The following PKDREJ variants were observed in gnomAD, a reference collection of about 807,000 sequenced individuals.
The protein encoded by PKDREJ is PKD and REJ homolog.
For missense variants in PKDREJ, 2,507 were observed against 2,807.2 expected, an observed-to-expected ratio of 0.89 and a Z score of 2.42; for synonymous variants, 1,031 against 1,095.5, an observed-to-expected ratio of 0.94 and a Z score of 1.16.
Position 46,256,967 on chromosome 22 carries a change from C to T in PKDREJ, c.6356G>A (p.Ser2119Asn), listed in dbSNP as rs1569269415. Residue 2119 changes from serine to asparagine, a missense_variant, in exon 1 of 1, where the codon AGT becomes AAT. Transcript: ENST00000253255. This position sits in a 1 kb window ranked among gnomAD's most constrained non-coding sequence, Gnocchi z 5.3. ...LVFGQHEWNYSNLIHSTQTVF... is the reference protein window; with the variant it reads ...LVFGQHEWNYNNLIHSTQTVF... ...TGTCTGAGTGGAATGAATCAAGTTA[C>T]TGTAGTTCCATTCATGCTGACCAAA... is the stretch of plus-strand genomic sequence containing the variant. 6.2e-7 allele frequency: 1 copy of T among 1,613,980 alleles called. No homozygotes were observed. Among genetic ancestry groups the T allele is most frequent in the African/African-American group, 1.3e-5 (1 of 75,068 alleles).
At position 46,263,244 on chromosome 22, in the gene PKDREJ, G is replaced by C. The variant is rs918482439; in HGVS notation, c.79C>G (p.Pro27Ala). 333 of 1,466,746 alleles carry C rather than the reference G, an allele frequency of 2.3e-4. No individual in the cohort carries two copies. The African/African-American group carries it at 4.4e-3, about 19-fold the overall frequency. The allele number at this position is 1,466,746 out of a possible 1,614,324, so 90.9% of individuals were successfully genotyped here. A position where few individuals can be genotyped will look rare whatever the true frequency, so the allele number is the denominator to read the frequency against. The change falls in exon 1 of 1, where the codon CCT (proline) becomes GCT (alanine). Residue 27 changes from proline to alanine, a missense_variant. By Grantham distance (27) the Pro-to-Ala change is conservative. Coordinates refer to ENST00000253255, the MANE Select transcript of PKDREJ (RefSeq NM_006071.2). This position sits in a 1 kb window ranked among gnomAD's most constrained non-coding sequence, Gnocchi z 9.4. ...SVGRLPLPPVPRGAQAAVSGA... is the reference protein window; with the variant it reads ...SVGRLPLPPVARGAQAAVSGA... ...GAGACGGCGGCTTGTGCCCCGCGAG[G>C]AACCGGCGGCAGCGGGAGGCGGCCG...
At position 46,258,109 on chromosome 22, in the gene PKDREJ, G is replaced by A; in HGVS notation, c.5214C>T (p.Tyr1738=). The A allele has an allele frequency of 6.2e-7, 1 of 1,613,938 alleles. No homozygotes were observed. Among genetic ancestry groups the A allele is most frequent in the South Asian group, 1.1e-5 (1 of 91,078 alleles). Residue 1738 remains tyrosine (Y), a synonymous_variant, in exon 1 of 1, where the codon TAC becomes TAT. Coordinates refer to ENST00000253255, the MANE Select transcript of PKDREJ (RefSeq NM_006071.2). This position sits in a 1 kb window ranked among gnomAD's most constrained non-coding sequence, Gnocchi z 6.1. ...IVLLRHTDCF[Y]YNQFIRDRFS... ...ACCGATCACGAATAAACTGGTTATA[G>A]TAAAAGCAGTCAGTGTGACGTAGTA...
At position 46,262,369 on chromosome 22, in the gene PKDREJ, C is replaced by T. The variant is rs772916630; in HGVS notation, c.954G>A (p.Met318Ile). Reference sequence around the variant, plus strand: ...CGGCGTCCGAGTCTTTCACCTCGGGCATCTTGGGGTTCCCTGTGGTGATGG... The same window carrying T: ...CGGCGTCCGAGTCTTTCACCTCGGGTATCTTGGGGTTCCCTGTGGTGATGG... ...TVSITTGNPK[M>I]PEVKDSDAVY... is the part of the protein sequence containing the mutation. Residue 318 changes from methionine (M) to isoleucine (I), a missense_variant, in exon 1 of 1, where the codon ATG becomes ATA. Physicochemically the swap from Met to Ile is conservative, Grantham distance 10 (BLOSUM62 1). Transcript: ENST00000253255. This position sits in a 1 kb window ranked among gnomAD's most constrained non-coding sequence, Gnocchi z 8.1. 4.0e-5 allele frequency: 64 copies of T among 1,614,060 alleles called. No individual in the cohort carries two copies. The African/African-American group carries it at 6.5e-4, about 16-fold the overall frequency.
chr22:46,259,409 C>A lies in PKDREJ; in HGVS notation c.3914G>T (p.Arg1305Leu). Reference sequence around the variant, plus strand: ...TCTACTTAAATACCAGCTAGGCGATCGACCCTCGTTGTTGTGCCACACACG... The same window carrying A: ...TCTACTTAAATACCAGCTAGGCGATAGACCCTCGTTGTTGTGCCACACACG... ...SIRVWHNNEG[R>L]SPSWYLSRIK... Residue 1305 changes from arginine to leucine, a missense_variant, in exon 1 of 1, where the codon CGA becomes CTA. Arg to Leu is a moderately radical substitution (Grantham distance 102). Coordinates refer to ENST00000253255, the MANE Select transcript of PKDREJ (RefSeq NM_006071.2). The surrounding 1 kb of genome is among the most constrained non-coding windows in gnomAD (Gnocchi z 6.8). 1 of 1,614,190 alleles carries A rather than the reference C, an allele frequency of 6.2e-7. No individual in the cohort carries two copies. Among genetic ancestry groups the A allele is most frequent in the South Asian group, 1.1e-5 (1 of 91,076 alleles).
At position 46,263,043 on chromosome 22, in the gene PKDREJ, G is replaced by A. The variant is rs764375742; in HGVS notation, c.280C>T (p.Arg94Cys). 1.8e-5 allele frequency: 24 copies of A among 1,327,806 alleles called. No individual in the cohort carries two copies. The highest frequency in any genetic ancestry group is 3.1e-5 in the African/African-American group (2 of 63,630). The allele number at this position is 1,327,806 out of a possible 1,614,324, so 82.3% of individuals were successfully genotyped here. ...TGRRWYCLDLRVLLSAQRLPW... is the reference protein window; with the variant it reads ...TGRRWYCLDLCVLLSAQRLPW... ...AGGCGTTGGGCGCTGAGCAGGACGC[G>A]CAAGTCGAGGCAGTACCAGCGCCGC... The change falls in exon 1 of 1, where the codon CGC becomes TGC. Residue 94 changes from arginine (R) to cysteine (C), a missense_variant. Coordinates refer to ENST00000253255, the MANE Select transcript of PKDREJ (RefSeq NM_006071.2). The surrounding 1 kb of genome is among the most constrained non-coding windows in gnomAD (Gnocchi z 9.4).
chr22:46,256,909 G>T lies in PKDREJ; in HGVS notation c.6414C>A (p.Asn2138Lys). The T allele has an allele frequency of 6.2e-7, 1 of 1,613,936 alleles. No homozygotes were observed. The highest frequency in any genetic ancestry group is 8.5e-7 in the Non-Finnish European group (1 of 1,179,924). The change falls in exon 1 of 1, where the codon AAC becomes AAA. Residue 2138 changes from asparagine to lysine, a missense_variant. Coordinates refer to ENST00000253255, the MANE Select transcript of PKDREJ (RefSeq NM_006071.2). This position sits in a 1 kb window ranked among gnomAD's most constrained non-coding sequence, Gnocchi z 5.3. ...GAATCCTGTTATTGGAAAATTCAGTGTTCTGGAAAGCTGAGACACAATAGG... is the reference window on the plus strand; with the variant it reads ...GAATCCTGTTATTGGAAAATTCAGTTTTCTGGAAAGCTGAGACACAATAGG... ...VFSYCVSAFQ[N>K]TEFSNNRILG...
At position 46,256,458 on chromosome 22, in the gene PKDREJ, A is replaced by G; in HGVS notation, c.*103T>C. The G allele has an allele frequency of 6.6e-7, 1 of 1,507,516 alleles. No individual in the cohort carries two copies. Among genetic ancestry groups the G allele is most frequent in the Non-Finnish European group, 8.8e-7 (1 of 1,136,664 alleles). The allele number at this position is 1,507,516 out of a possible 1,614,324, so 93.4% of individuals were successfully genotyped here. A position where few individuals can be genotyped will look rare whatever the true frequency, so the allele number is the denominator to read the frequency against. On this transcript the variant is annotated 3_prime_UTR_variant, in exon 1 of 1. Coordinates refer to ENST00000253255, the MANE Select transcript of PKDREJ (RefSeq NM_006071.2). The surrounding 1 kb of genome is among the most constrained non-coding windows in gnomAD (Gnocchi z 5.3). ...GGGGATGTGCCTTGTGAAGGACATG[A>G]GTAGAAAGCATGACTAGGCCACTGA...
chr22:46,258,298 G>A lies in PKDREJ; in HGVS notation c.5025C>T (p.Asp1675=), dbSNP rs766835142. 4 of 1,614,044 alleles carry A rather than the reference G, an allele frequency of 2.5e-6. No individual in the cohort carries two copies. Among genetic ancestry groups the A allele is most frequent in the Non-Finnish European group, 2.5e-6 (3 of 1,180,040 alleles). The change falls in exon 1 of 1, where the codon GAC becomes GAT. Residue 1675 remains aspartate, a synonymous_variant. Transcript: ENST00000253255. This position sits in a 1 kb window ranked among gnomAD's most constrained non-coding sequence, Gnocchi z 6.1. ...TCGTGCCTCGGATTCGGACGATCTG[G>A]TCATGTATCCTCTGCATTTCTTCTG... The part of the protein sequence containing the change: ...MHPEEMQRIH[D]QIVRIRGTRM...
Position 46,258,120 on chromosome 22 carries a change from C to A in PKDREJ, c.5203G>T (p.Asp1735Tyr). The A allele has an allele frequency of 6.2e-7, 1 of 1,613,886 alleles. No individual in the cohort carries two copies. Among genetic ancestry groups the A allele is most frequent in the South Asian group, 1.1e-5 (1 of 91,056 alleles). ...LILIVLLRHT[D>Y]CFYYNQFIRD... ...ATAAACTGGTTATAGTAAAAGCAGT[C>A]AGTGTGACGTAGTAAGACGATAAGG... The change falls in exon 1 of 1, where the codon GAC (aspartate) becomes TAC (tyrosine). Residue 1735 changes from aspartate to tyrosine, a missense_variant. Transcript: ENST00000253255. The surrounding 1 kb of genome is among the most constrained non-coding windows in gnomAD (Gnocchi z 6.1).
At position 46,260,287 on chromosome 22, in the gene PKDREJ, C is replaced by T; in HGVS notation, c.3036G>A (p.Leu1012=). ...VTEVMVLFTV[L]VYTGSQITPT... is the part of the protein sequence containing the mutation. ...GAGTGATCTGACTGCCTGTGTACAC[C>T]AACACTGTGAACAGCACCATCACTT... Residue 1012 remains leucine, a synonymous_variant, in exon 1 of 1, where the codon TTG becomes TTA. Transcript: ENST00000253255. This position sits in a 1 kb window ranked among gnomAD's most constrained non-coding sequence, Gnocchi z 4.5. The T allele has an allele frequency of 1.2e-6, 2 of 1,614,110 alleles. No individual in the cohort carries two copies. The highest frequency in any genetic ancestry group is 1.7e-5 in the Admixed American group (1 of 60,016).
At position 46,258,400 on chromosome 22, in the gene PKDREJ, G is replaced by T; in HGVS notation, c.4923C>A (p.Pro1641=). ...ILLSGFRTNK[P]KYCKNLSWST... Reference sequence around the variant, plus strand: ...ACCATGAAAGGTTTTTGCAATACTTGGGTTTATTCGTTCTGAAGCCTGACA... The same window carrying T: ...ACCATGAAAGGTTTTTGCAATACTTTGGTTTATTCGTTCTGAAGCCTGACA... The change falls in exon 1 of 1, where the codon CCC becomes CCA. Residue 1641 remains proline, a synonymous_variant. Transcript: ENST00000253255. The surrounding 1 kb of genome is among the most constrained non-coding windows in gnomAD (Gnocchi z 6.1). 6.2e-7 allele frequency: 1 copy of T among 1,614,074 alleles called. No individual in the cohort carries two copies. The highest frequency in any genetic ancestry group is 8.5e-7 in the Non-Finnish European group (1 of 1,180,024).
In PKDREJ at chr22:46,260,981, A is replaced by G. The variant is rs1484903536; in HGVS notation, c.2342T>C (p.Val781Ala). ...TTGTAGGGCTTGATTTGCTTGCCAT[A>G]CCCTCATGGTGGCACGTTTCTGAGC... ...WDAQKRATMR[V>A]WQANQALQEY... The change falls in exon 1 of 1, where the codon GTA becomes GCA. Residue 781 changes from valine (V) to alanine (A), a missense_variant. By Grantham distance (64) the Val-to-Ala change is moderately conservative. Transcript: ENST00000253255. This position sits in a 1 kb window ranked among gnomAD's most constrained non-coding sequence, Gnocchi z 4.5. 1.9e-6 allele frequency: 3 copies of G among 1,614,006 alleles called. No homozygotes were observed. In the East Asian group the frequency reaches 6.7e-5, roughly 36 times the overall value.
At position 46,258,139 on chromosome 22, in the gene PKDREJ, G is replaced by A. The variant is rs780613353; in HGVS notation, c.5184C>T (p.Ile1728=). 7 of 1,614,030 alleles carry A rather than the reference G, an allele frequency of 4.3e-6. No homozygotes were observed. In the South Asian group the frequency reaches 4.4e-5, roughly 10 times the overall value. Residue 1728 remains isoleucine (I), a synonymous_variant, in exon 1 of 1, where the codon ATC becomes ATT. Transcript: ENST00000253255. The surrounding 1 kb of genome is among the most constrained non-coding windows in gnomAD (Gnocchi z 6.1). Reference sequence around the variant, plus strand: ...AGCAGTCAGTGTGACGTAGTAAGACGATAAGGATCAACAGAAGGGCTAGAA... The same window carrying A: ...AGCAGTCAGTGTGACGTAGTAAGACAATAAGGATCAACAGAAGGGCTAGAA... ...FIFLALLLIL[I]VLLRHTDCFY...
chr22:46,261,596 A>G lies in PKDREJ; in HGVS notation c.1727T>C (p.Leu576Pro), dbSNP rs1455539363. ...ACACTGGACAACAAATTTAGTAATA[A>G]GTGCAATTCCTTTAGCTGGATTAAT... ...CKINPAKGIA[L>P]ITKFVVQCSN... The change falls in exon 1 of 1, where the codon CTT becomes CCT. Residue 576 changes from leucine (L) to proline (P), a missense_variant. Physicochemically the swap from Leu to Pro is moderately conservative, Grantham distance 98. Coordinates refer to ENST00000253255, the MANE Select transcript of PKDREJ (RefSeq NM_006071.2). The surrounding 1 kb of genome is among the most constrained non-coding windows in gnomAD (Gnocchi z 7.1). 1 of 1,613,708 alleles carries G rather than the reference A, an allele frequency of 6.2e-7. No individual in the cohort carries two copies. The highest frequency in any genetic ancestry group is 8.5e-7 in the Non-Finnish European group (1 of 1,179,698).
rs767231597 is a variant in PKDREJ at position 46,259,169 on chromosome 22, T to C, written c.4154A>G (p.Asn1385Ser). The change falls in exon 1 of 1, where the codon AAT becomes AGT. Residue 1385 changes from asparagine to serine, a missense_variant. By Grantham distance (46) the Asn-to-Ser change is conservative. Transcript: ENST00000253255. The surrounding 1 kb of genome is among the most constrained non-coding windows in gnomAD (Gnocchi z 6.8). Reference protein sequence around the residue: ...IFASVVAKTFNRLQRLSCCLA... With the variant: ...IFASVVAKTFSRLQRLSCCLA... ...ACAACAGGACAATCTCTGGAGCCTATTGAATGTTTTAGCAACAACACTAGC... is the reference window on the plus strand; with the variant it reads ...ACAACAGGACAATCTCTGGAGCCTACTGAATGTTTTAGCAACAACACTAGC... 1.2e-6 allele frequency: 2 copies of C among 1,614,098 alleles called. No individual in the cohort carries two copies. Among genetic ancestry groups the C allele is most frequent in the Admixed American group, 3.3e-5 (2 of 60,018 alleles).
In PKDREJ at chr22:46,255,931, G is replaced by A. The variant is rs999717342; in HGVS notation, c.*630C>T. 3.3e-5 allele frequency: 5 copies of A among 152,282 alleles called. No individual in the cohort carries two copies. Among genetic ancestry groups the A allele is most frequent in the African/African-American group, 1.2e-4 (5 of 41,414 alleles). 9.4% of individuals were successfully genotyped at this position (152,282 alleles called of 1,614,324 possible). ...TGTTGTTTAACAAAACATGTCTCTT[G>A]GTCAGAAAATGTTACTGAATTTTAC... On this transcript the variant is annotated 3_prime_UTR_variant, in exon 1 of 1. Transcript: ENST00000253255.
rs1459193396 is a variant in PKDREJ, at chr22:46,260,907, C to A, written c.2416G>T (p.Val806Leu). The A allele has an allele frequency of 6.2e-7, 1 of 1,614,080 alleles. No homozygotes were observed. Among genetic ancestry groups the A allele is most frequent in the East Asian group, 2.2e-5 (1 of 44,892 alleles). Reference sequence around the variant, plus strand: ...AAACTCATTAGTATTCCAGTACTCACGATTTCTATTTGTTCAGATCGAAAG... The same window carrying A: ...AAACTCATTAGTATTCCAGTACTCAAGATTTCTATTTGTTCAGATCGAAAG... Reference protein sequence around the residue: ...KRFRSEQIEIVSTGILMSLSN... With the variant: ...KRFRSEQIEILSTGILMSLSN... Residue 806 changes from valine (V) to leucine (L), a missense_variant, in exon 1 of 1, where the codon GTG becomes TTG. Coordinates refer to ENST00000253255, the MANE Select transcript of PKDREJ (RefSeq NM_006071.2). This position sits in a 1 kb window ranked among gnomAD's most constrained non-coding sequence, Gnocchi z 4.5.
Position 46,262,479 on chromosome 22 carries a change from G to T in PKDREJ, c.844C>A (p.Leu282Ile). The change falls in exon 1 of 1, where the codon CTC becomes ATC. Residue 282 changes from leucine to isoleucine, a missense_variant. Physicochemically the swap from Leu to Ile is conservative, Grantham distance 5 (BLOSUM62 2). Coordinates refer to ENST00000253255, the MANE Select transcript of PKDREJ (RefSeq NM_006071.2). This position sits in a 1 kb window ranked among gnomAD's most constrained non-coding sequence, Gnocchi z 8.1. ...DWTQPLDLPQ[L>I]EIRNSPLFIH... ...AACAAGGGGCTGTTCCTGATCTCGA[G>T]CTGGGGCAGATCCAAGGGCTGCGTC... is the stretch of plus-strand genomic sequence containing the variant. 1 of 1,594,512 alleles carries T rather than the reference G, an allele frequency of 6.3e-7. No homozygotes were observed. The highest frequency in any genetic ancestry group is 8.6e-7 in the Non-Finnish European group (1 of 1,169,370).
chr22:46,259,566 G>A lies in PKDREJ; in HGVS notation c.3757C>T (p.Gln1253Ter). The A allele has an allele frequency of 6.2e-7, 1 of 1,614,126 alleles. No homozygotes were observed. Among genetic ancestry groups the A allele is most frequent in the Non-Finnish European group, 8.5e-7 (1 of 1,180,004 alleles). ...GSGTRANVFV[Q>*]LRGTVSTSDV... ...CTGGTACTCACAGTTCCTCTAAGTT[G>A]CACAAAGACATTGGCCCTGGTCCCA... Residue 1253 changes from glutamine (Q) to a stop codon, truncating the protein, a stop_gained, in exon 1 of 1, where the codon CAA (glutamine) becomes TAA (stop). Coordinates refer to ENST00000253255, the MANE Select transcript of PKDREJ (RefSeq NM_006071.2). LOFTEE classifies it low-confidence loss of function (END_TRUNC). The surrounding 1 kb of genome is among the most constrained non-coding windows in gnomAD (Gnocchi z 6.8).
Sources: gnomAD v4.1 joint callset for allele counts on GRCh38, gnomAD v4.1.1 for gene constraint, Gnocchi (gnomAD v3.1) non-coding constraint, MANE v1.5 for transcripts, NCBI Gene and HGNC (gene_info 2026-07-23, HGNC 2026-07-21) for gene names.